SRGAP3: variants seen among roughly 807,000 people sequenced by gnomAD.
The protein encoded by SRGAP3 is SLIT-ROBO Rho GTPase-activating protein 3.
Under a neutral mutation model 121.1 loss-of-function variants are expected in SRGAP3, and 39 were observed. The ratio of observed to expected loss-of-function variants is 0.32; its 90% CI spans 0.25 to 0.42. SRGAP3 has a LOEUF of 0.42. Among genes scored for constraint, SRGAP3 ranks in the 10% least tolerant of loss-of-function variants. The pLI, the probability that SRGAP3 is intolerant of heterozygous loss-of-function variation, is 1.00. For missense variants in SRGAP3, 1,213 were observed against 1,470.6 expected, an observed-to-expected ratio of 0.82 and a Z score of 2.86; for synonymous variants, 601 against 570.0, an observed-to-expected ratio of 1.05 and a Z score of -0.77.
At chr3:9,042,931 C>T (rs1292056414) in intron 10 of SRGAP3, among the ~76,000 whole-genome samples, 2 of 152,138 alleles carry the variant, frequency 1.3e-5, no homozygotes, top group Non-Finnish European at 2.9e-5. Flanking sequence ...CCCGCATTTG[C>T]AAATGTTGTC....
intron 1 of SRGAP3, among the ~76,000 whole-genome samples, chr3:9,202,514 C>T (rs1313959231): frequency 2.0e-5 from 3 of 152,250 alleles, no homozygotes; most frequent in Non-Finnish European, 4.4e-5. Context: ...GCCTGCCCTG[C>T]TCCAGCAAAG....
chr3:9,053,706 G>A (rs1321749069), intron 8 of SRGAP3, among the ~76,000 whole-genome samples: 3 of 152,204 alleles, frequency 2.0e-5, no homozygotes, highest in Non-Finnish European at 4.4e-5. Flanking sequence ...ATCTGCTACT[G>A]GACTCCTATC....
chr3:9,295,910 T>C (rs959876058), intron 3 of SRGAP3, among the ~76,000 whole-genome samples: 1 of 152,340 alleles, frequency 6.6e-6, no homozygotes, highest in Non-Finnish European at 1.5e-5. Context: ...CTTTTGTACC[T>C]GGCTTATTTC....
At chr3:9,112,632 G>T (rs1414300901) in intron 2 of SRGAP3, among the ~76,000 whole-genome samples, 1 of 152,196 alleles carries the variant, frequency 6.6e-6, no homozygotes, top group Non-Finnish European at 1.5e-5. Flanking sequence ...CCTGGGGAAG[G>T]CGGAGGGGAG....
intron 1 of SRGAP3, among the ~76,000 whole-genome samples, chr3:9,200,994 G>A (rs1413047421): frequency 6.6e-6 from 1 of 152,216 alleles, no homozygotes; most frequent in Non-Finnish European, 1.5e-5. Flanking sequence ...AGGCCCTGGA[G>A]CAGAGGAGGG....
At position 8,984,471 on chromosome 3, in the gene SRGAP3, G is replaced by A. The variant is rs1350776923; in HGVS notation, c.*1048C>T. On this transcript the variant is annotated 3_prime_UTR_variant, in exon 22 of 22. Transcript: ENST00000383836. ...ATTAAATAGTTTGAAAATGATATAA[G>A]TTAAACCTCTATAGTTACCACAGAT... 1 of 232,172 alleles carries A rather than the reference G, an allele frequency of 4.3e-6. No homozygotes were observed. The highest frequency in any genetic ancestry group is 8.5e-6 in the Non-Finnish European group (1 of 117,454). 14.4% of individuals were successfully genotyped at this position (232,172 alleles called of 1,614,324 possible). A position where few individuals can be genotyped will look rare whatever the true frequency, so the allele number is the denominator to read the frequency against.
chr3:9,312,518 C>T (rs1348501431), intron 3 of SRGAP3, among the ~76,000 whole-genome samples: 3 of 152,228 alleles, frequency 2.0e-5, no homozygotes, highest in Non-Finnish European at 4.4e-5. Flanking sequence ...TAGCCACATG[C>T]TCAGGCCTTC....
At chr3:9,346,677 T>C (rs1325014794) in intron 1 of SRGAP3, among the ~76,000 whole-genome samples, 1 of 151,956 alleles carries the variant, frequency 6.6e-6, no homozygotes, top group Non-Finnish European at 1.5e-5. Flanking sequence ...TAAGGAGAGC[T>C]GGTAAGTTAC....
intron 11 of SRGAP3, 59 bp from the exon 12 acceptor site, chr3:9,032,811 G>A (rs926893073): frequency 1.3e-6 from 2 of 1,499,150 alleles, no homozygotes; most frequent in Non-Finnish European, 1.9e-6. Context: ...ATACAACTGG[G>A]AAAGATGCTC....
chr3:9,202,516 C>G (rs1299839270), intron 1 of SRGAP3, among the ~76,000 whole-genome samples: 1 of 152,216 alleles, frequency 6.6e-6, no homozygotes, highest in Non-Finnish European at 1.5e-5. Flanking sequence ...CTGCCCTGCT[C>G]CAGCAAAGAC....
At chr3:9,116,077 C>T (rs1948794243) in intron 2 of SRGAP3, among the ~76,000 whole-genome samples, 2 of 151,984 alleles carry the variant, frequency 1.3e-5, no homozygotes, top group African/African-American at 4.8e-5. Context: ...ATCAAGAATC[C>T]CCTTTCATTT....
chr3:9,361,394 A>C (rs2030813608), intron 1 of SRGAP3, among the ~76,000 whole-genome samples: 1 of 150,608 alleles, frequency 6.6e-6, no homozygotes, highest in Non-Finnish European at 1.5e-5. Context: ...ATGAACCACC[A>C]CTCCCAGCCC....
At chr3:9,166,814 G>A (rs983925462) in intron 1 of SRGAP3, among the ~76,000 whole-genome samples, 1 of 152,084 alleles carries the variant, frequency 6.6e-6, no homozygotes, top group Non-Finnish European at 1.5e-5. Flanking sequence ...AAATATCCAT[G>A]CTGATGACCA....
At chr3:9,286,113 AACACACACACACACACAC>A (rs34023408) in intron 3 of SRGAP3, among the ~76,000 whole-genome samples, 65 of 135,078 alleles carry the variant, frequency 4.8e-4, no homozygotes, top group Middle Eastern at 3.8e-3. Context: ...CCCTATCTCA[AACACACACACACACACAC>A]ACACACACAC....
rs141531801 is a variant in SRGAP3 at position 9,214,133 on chromosome 3, C to T, written c.67+34752G>A. On this transcript the variant is annotated intron_variant, in intron 1 of 21. Coordinates refer to ENST00000383836, the MANE Select transcript of SRGAP3 (RefSeq NM_014850.4). ...CCCACCTCCAACACACACACACACA[C>T]ACACACACATGCACACACACACACA... Among the ~76,000 whole-genome samples the T allele has an allele frequency of 5.2e-3, 798 of 152,092 alleles. 14 individuals carry two copies. The highest frequency in any genetic ancestry group is 0.018 in the African/African-American group (743 of 41,482).
At chr3:9,061,344 C>A (rs1314709738) in intron 5 of SRGAP3, among the ~76,000 whole-genome samples, 1 of 152,180 alleles carries the variant, frequency 6.6e-6, no homozygotes, top group Admixed American at 6.5e-5. Context: ...TCAAGCTCCA[C>A]CTTCCCCCAG....
intron 1 of SRGAP3, among the ~76,000 whole-genome samples, chr3:9,173,814 T>C (rs879917036): frequency 2.6e-5 from 4 of 152,122 alleles, no homozygotes; most frequent in Non-Finnish European, 4.4e-5. Context: ...TCACGGGACA[T>C]ATTGCAGTCT....
intron 2 of SRGAP3, among the ~76,000 whole-genome samples, chr3:9,326,352 T>C (rs1352348028): frequency 6.6e-6 from 1 of 151,962 alleles, no homozygotes; most frequent in African/African-American, 2.4e-5. Context: ...AATGTTTAAA[T>C]GGACCATCAG....
chr3:9,236,765 A>G (rs1418385249), intron 1 of SRGAP3, among the ~76,000 whole-genome samples: 3 of 152,202 alleles, frequency 2.0e-5, no homozygotes, highest in Non-Finnish European at 4.4e-5. Flanking sequence ...ACCCAGTCTC[A>G]GGTGTTTCTT....
Sources: gnomAD v4.1 joint callset for allele counts (sites outside exome capture counted in the v4.1 genomes callset) on GRCh38, gnomAD v4.1.1 for gene constraint, MANE v1.5 for transcripts, NCBI Gene and HGNC (gene_info 2026-07-23, HGNC 2026-07-21) for gene names.